NREP: variants seen among roughly 807,000 people sequenced by gnomAD.
NREP encodes neuronal regeneration-related protein.
NREP carries 5 observed loss-of-function variants against 8.6 expected under a neutral mutation model. The observed-to-expected ratio is 0.58, with a 90% CI of 0.30 to 1.22. NREP has a LOEUF of 1.22. Among genes scored for constraint, NREP ranks in the 50% most tolerant of loss-of-function variants. The pLI is 0.07. For missense variants in NREP, 86 were observed against 82.5 expected, an observed-to-expected ratio of 1.04 and a Z score of -0.17; for synonymous variants, 27 against 28.0, an observed-to-expected ratio of 0.96 and a Z score of 0.11.
At chr5:111,877,807 C>T (rs1433963469) in intron 2 of NREP, among the ~76,000 whole-genome samples, 2 of 144,542 alleles carry the variant, frequency 1.4e-5, no homozygotes, top group African/African-American at 5.7e-5. Flanking sequence ...TAATTGAACT[C>T]TCAGGGAAGA....
At chr5:111,923,444 G>A (rs997255384) in intron 2 of NREP, among the ~76,000 whole-genome samples, 1 of 152,218 alleles carries the variant, frequency 6.6e-6, no homozygotes, top group African/African-American at 2.4e-5. Context: ...CTGGGAGGAA[G>A]GTGGCTGGAT....
intron 2 of NREP, 156 bp downstream of exon 2, chr5:111,755,614 C>T (rs780644402): frequency 8.8e-5 from 69 of 788,504 alleles, no homozygotes; most frequent in Non-Finnish European, 1.8e-5. Context: ...AATTGCTGTA[C>T]TGCAACGCTC....
intron 2 of NREP, among the ~76,000 whole-genome samples, chr5:111,926,543 C>T (rs969507091): frequency 6.6e-6 from 1 of 152,030 alleles, no homozygotes; most frequent in African/African-American, 2.4e-5. Flanking sequence ...CAAGACTTCC[C>T]TTAGAAGGTC....
intron 2 of NREP, among the ~76,000 whole-genome samples, chr5:111,829,252 G>C (rs1481110528): frequency 6.6e-6 from 1 of 152,140 alleles, no homozygotes; most frequent in Non-Finnish European, 1.5e-5. Context: ...TTTGCAGTGA[G>C]AGACCAAAAA....
In NREP at chr5:111,959,526, G is replaced by A. The variant is rs188006676; in HGVS notation, c.135+15748C>T. The stretch of plus-strand genomic sequence containing the variant: ...AAAGGCAAACACAGCATTGAAGAGC[G>A]TTTAGATTAGATATAAAGAAAACTT... On this transcript the variant is annotated intron_variant, in intron 2 of 3. Coordinates refer to the NREP transcript ENST00000395634. 2.2e-4 allele frequency among the ~76,000 whole-genome samples: 34 copies of A among 151,978 alleles called. 1 individual carries two copies. Among genetic ancestry groups the A allele is most frequent in the South Asian group, 1.0e-3 (5 of 4,818 alleles).
At chr5:111,932,298 G>A (rs948663898) in intron 2 of NREP, among the ~76,000 whole-genome samples, 3 of 151,942 alleles carry the variant, frequency 2.0e-5, no homozygotes, top group Admixed American at 6.6e-5. Flanking sequence ...ATATGGGTGT[G>A]GATGAGAAAG....
chr5:111,914,917 C>A (rs1036787607), intron 2 of NREP, among the ~76,000 whole-genome samples: 1 of 152,072 alleles, frequency 6.6e-6, no homozygotes, highest in Non-Finnish European at 1.5e-5. Flanking sequence ...CCATTTTTAT[C>A]AAAATCTTGC....
At chr5:111,905,503 T>C (rs1184127517) in intron 2 of NREP, among the ~76,000 whole-genome samples, 1 of 152,164 alleles carries the variant, frequency 6.6e-6, no homozygotes, top group South Asian at 2.1e-4. Flanking sequence ...TAGCGGTCCA[T>C]GGAAGACTGA....
chr5:111,942,972 C>T (rs886681307), intron 2 of NREP, among the ~76,000 whole-genome samples: 11 of 151,814 alleles, frequency 7.2e-5, no homozygotes, highest in African/African-American at 2.7e-4. Context: ...TGGCACTAGG[C>T]AGCACTCAAT....
At chr5:111,783,269 G>A (rs1036214004) in intron 2 of NREP, among the ~76,000 whole-genome samples, 4 of 152,178 alleles carry the variant, frequency 2.6e-5, no homozygotes, top group South Asian at 2.1e-4. Flanking sequence ...GGTAATTTGT[G>A]TTGTGTATAA....
chr5:111,794,666 G>A (rs1751835435), intron 2 of NREP, among the ~76,000 whole-genome samples: 1 of 152,152 alleles, frequency 6.6e-6, no homozygotes, highest in Non-Finnish European at 1.5e-5. Context: ...GTTGCCAGGG[G>A]TTTGGTAAGA....
At chr5:111,946,227 C>A (rs1689601187) in intron 2 of NREP, among the ~76,000 whole-genome samples, 1 of 149,024 alleles carries the variant, frequency 6.7e-6, no homozygotes, top group African/African-American at 2.4e-5. Context: ...GCTTTAGTTT[C>A]TTTCTAAAAA....
At chr5:111,770,535 G>A (rs1421535771) in intron 2 of NREP, among the ~76,000 whole-genome samples, 1 of 136,590 alleles carries the variant, frequency 7.3e-6, no homozygotes, top group African/African-American at 2.7e-5. Flanking sequence ...AATATTATTT[G>A]GTAAAGAAGA....
chr5:111,862,746 T>C (rs1232890907), intron 2 of NREP, among the ~76,000 whole-genome samples: 1 of 151,952 alleles, frequency 6.6e-6, no homozygotes, highest in African/African-American at 2.4e-5. Context: ...GAGTTTACAA[T>C]CTACTAAAGA....
intron 2 of NREP, among the ~76,000 whole-genome samples, chr5:111,973,965 C>T (rs924723603): frequency 2.0e-5 from 3 of 152,186 alleles, no homozygotes; most frequent in African/African-American, 7.2e-5. Context: ...ACACATATAT[C>T]AGTACACATA....
intron 2 of NREP, among the ~76,000 whole-genome samples, chr5:111,899,985 A>G (rs1254793620): frequency 2.0e-5 from 3 of 152,182 alleles, no homozygotes; most frequent in African/African-American, 7.2e-5. Context: ...TAACAGCTGC[A>G]GACTACACAT....
At chr5:111,794,040 C>T (rs551425009) in intron 2 of NREP, among the ~76,000 whole-genome samples, 192 of 152,180 alleles carry the variant, frequency 1.3e-3, no homozygotes, top group Middle Eastern at 0.01. Context: ...ACAGCAAGAC[C>T]CTATGAGAAG....
At chr5:111,802,053 G>A in intron 2 of NREP, among the ~76,000 whole-genome samples, 1 of 152,040 alleles carries the variant, frequency 6.6e-6, no homozygotes, top group African/African-American at 2.4e-5. Flanking sequence ...TCCAGACAGA[G>A]GGCCCAGCCA....
At chr5:111,800,084 A>C (rs868533246) in intron 2 of NREP, among the ~76,000 whole-genome samples, 21 of 103,754 alleles carry the variant, frequency 2.0e-4, no homozygotes, top group Middle Eastern at 5.9e-3. Flanking sequence ...CACGCCAACT[A>C]CTTTTTTTTT....
Sources: allele counts gnomAD v4.1 joint callset (sites outside exome capture counted in the v4.1 genomes callset), GRCh38; gene constraint gnomAD v4.1.1; transcripts MANE v1.5; gene names NCBI Gene and HGNC (gene_info 2026-07-23, HGNC 2026-07-21).